The following CCDC81 variants were observed in gnomAD, a reference collection of about 807,000 sequenced individuals.
The protein encoded by CCDC81 is coiled-coil domain-containing protein 81.
Under a neutral mutation model 83.7 loss-of-function variants are expected in CCDC81, and 79 were observed. The observed-to-expected ratio is 0.94, with a 90% CI of 0.79 to 1.14. The LOEUF is 1.14. CCDC81 is among the 50% of genes most tolerant of loss of function. The pLI is 0.00. For synonymous variants in CCDC81, 252 were observed against 278.1 expected, an observed-to-expected ratio of 0.91 and a Z score of 0.93; for missense variants, 791 against 778.1, an observed-to-expected ratio of 1.02 and a Z score of -0.20.
At chr11:86,398,667 C>T (rs1948441693) in intron 6 of CCDC81, among the ~76,000 whole-genome samples, 1 of 152,072 alleles carries the variant, frequency 6.6e-6, no homozygotes, top group Non-Finnish European at 1.5e-5. Flanking sequence ...TCTCCTGCGT[C>T]CAAGCTATTC....
intron 1 of CCDC81, among the ~76,000 whole-genome samples, chr11:86,381,145 A>G (rs1948171892): frequency 6.6e-6 from 1 of 152,168 alleles, no homozygotes; most frequent in South Asian, 2.1e-4. Context: ...CTGGACTGTG[A>G]ACTTTACAAA....
chr11:86,395,434 G>C (rs758211040), intron 5 of CCDC81, 21 bp downstream of exon 5: 5 of 1,603,720 alleles, frequency 3.1e-6, no homozygotes, highest in Non-Finnish European at 3.4e-6. Flanking sequence ...TGCTTCACGG[G>C]TTCCTCTAGG....
chr11:86,377,395 C>T (rs1948111675), intron 1 of CCDC81, among the ~76,000 whole-genome samples: 1 of 152,182 alleles, frequency 6.6e-6, no homozygotes. Context: ...TCCAAAGGGG[C>T]TGTACTATGT....
intron 3 of CCDC81, among the ~76,000 whole-genome samples, chr11:86,391,975 T>C (rs1948336586): frequency 6.6e-6 from 1 of 152,028 alleles, no homozygotes; most frequent in Non-Finnish European, 1.5e-5. Flanking sequence ...CTACACACTT[T>C]TAAACAACCA....
At chr11:86,418,773 G>GCGAA (rs1422163179) in intron 13 of CCDC81, among the ~76,000 whole-genome samples, 1 of 152,126 alleles carries the variant, frequency 6.6e-6, no homozygotes, top group East Asian at 1.9e-4. Context: ...TAACGTGAAG[G>GCGAA]CGTTCTGGAG....
intron 11 of CCDC81, among the ~76,000 whole-genome samples, chr11:86,413,992 T>C (rs566387326): frequency 5.3e-5 from 8 of 152,356 alleles, no homozygotes; most frequent in African/African-American, 1.9e-4. Context: ...GAAAAAAATC[T>C]ATTTCTATAA....
intron 12 of CCDC81, 91 bp from the exon 13 acceptor site, chr11:86,415,002 A>G (rs1948696663): frequency 6.8e-7 from 1 of 1,470,844 alleles, no homozygotes; most frequent in Admixed American, 1.9e-5. Flanking sequence ...CCTTCCTGTA[A>G]GATGCTGGTA....
chr11:86,421,959 G>A (rs1382968846), intron 14 of CCDC81, among the ~76,000 whole-genome samples: 2 of 151,780 alleles, frequency 1.3e-5, no homozygotes, highest in African/African-American at 4.8e-5. Context: ...ATGGGGTAGA[G>A]GAGCACATGA....
intron 6 of CCDC81, 105 bp from the exon 7 acceptor site, chr11:86,400,573 A>T: frequency 2.6e-6 from 3 of 1,148,336 alleles, no homozygotes; most frequent in Non-Finnish European, 3.7e-6. Flanking sequence ...TTATTTAAAG[A>T]TAAGAGAGTG....
At position 86,409,377 on chromosome 11, in the gene CCDC81, A is replaced by T. The variant is rs1948607276; in HGVS notation, c.1218+12A>T. ...AACCGGAATTTTATGTAAGTCTTTTAAAAATTTCTGTTGCTAACACCTGGC... is the reference window on the plus strand; with the variant it reads ...AACCGGAATTTTATGTAAGTCTTTTTAAAATTTCTGTTGCTAACACCTGGC... On this transcript the variant is annotated intron_variant, in intron 10 of 14. Coordinates refer to ENST00000445632, the MANE Select transcript of CCDC81 (RefSeq NM_001156474.2). 7.0e-7 allele frequency: 1 copy of T among 1,423,442 alleles called. No homozygotes were observed. Among genetic ancestry groups the T allele is most frequent in the South Asian group, 1.3e-5 (1 of 75,898 alleles). The allele number at this position is 1,423,442 out of a possible 1,614,324, so 88.2% of individuals were successfully genotyped here.
intron 5 of CCDC81, among the ~76,000 whole-genome samples, chr11:86,395,897 ACAGGCGTGAGCCAC>A (rs1281193323): frequency 2.6e-5 from 4 of 152,206 alleles, no homozygotes; most frequent in South Asian, 2.1e-4. Flanking sequence ...TGCTGAAATT[ACAGGCGTGAGCCAC>A]CAGGCCTGGC....
chr11:86,417,964 G>GA (rs761551213), intron 13 of CCDC81, among the ~76,000 whole-genome samples: 1 of 152,210 alleles, frequency 6.6e-6, no homozygotes, highest in Non-Finnish European at 1.5e-5. Flanking sequence ...ACATTTCTAA[G>GA]AAGGCATAGC....
rs755199040 is a variant in CCDC81, at chr11:86,412,480, AACAG to A, written c.1317_1320del (p.Gln440LysfsTer4). 8.1e-6 allele frequency: 13 copies of A among 1,614,004 alleles called. No individual in the cohort carries two copies. In the African/African-American group the frequency reaches 1.3e-4, roughly 17 times the overall value. On this transcript the variant is annotated frameshift_variant, in exon 11 of 15. Coordinates refer to ENST00000445632, the MANE Select transcript of CCDC81 (RefSeq NM_001156474.2). LOFTEE classifies it high-confidence loss of function. ...CCGGAGTCTCCTGAAACAAATGGAT[AACAG>A]ACAGGAAAACGAAATAAAGCAAAGA...
At chr11:86,414,576 G>C in intron 11 of CCDC81, 1 of 508,896 alleles carries the variant, frequency 2.0e-6, no homozygotes, top group Non-Finnish European at 3.4e-6. Flanking sequence ...CAAAGTGCTG[G>C]GATTACACAC....
intron 7 of CCDC81, among the ~76,000 whole-genome samples, chr11:86,405,785 C>CTTTTTTTTT (rs146946869): frequency 7.8e-6 from 1 of 128,630 alleles, no homozygotes; most frequent in African/African-American, 2.9e-5. Flanking sequence ...CTTCTTTTTT[C>CTTTTTTTTT]TTTTTTTTTT....
chr11:86,395,226 C>A, intron 4 of CCDC81, 108 bp from the exon 5 acceptor site: 2 of 777,670 alleles, frequency 2.6e-6, no homozygotes, highest in East Asian at 2.6e-5. Context: ...ACATAAACAA[C>A]AACAAGAAAA....
At chr11:86,379,485 T>C (rs1312415733) in intron 1 of CCDC81, among the ~76,000 whole-genome samples, 2 of 152,198 alleles carry the variant, frequency 1.3e-5, no homozygotes, top group Admixed American at 6.5e-5. Flanking sequence ...AATAACACTG[T>C]ACCACTTCAC....
Position 86,394,169 on chromosome 11 carries a change from A to G in CCDC81, c.556-1165A>G, listed in dbSNP as rs1424179578. ...TAAGCAAGGCCAAAGTGGCTAGCTC[A>G]TCTCTAACCCTCAGGGATTCTGCTG... On this transcript the variant is annotated intron_variant, in intron 4 of 14. Coordinates refer to ENST00000445632, the MANE Select transcript of CCDC81 (RefSeq NM_001156474.2). 5.3e-5 allele frequency among the ~76,000 whole-genome samples: 8 copies of G among 152,248 alleles called. 1 individual carries two copies. Among genetic ancestry groups the G allele is most frequent in the Admixed American group, 4.6e-4 (7 of 15,284 alleles).
intron 2 of CCDC81, 90 bp downstream of exon 2, chr11:86,386,202 A>G: frequency 2.5e-6 from 1 of 399,994 alleles, no homozygotes; most frequent in Non-Finnish European, 4.0e-6. Flanking sequence ...ATAGTCTTAT[A>G]TAATGTTGCT....
Sources: gnomAD v4.1 joint callset for allele counts (sites outside exome capture counted in the v4.1 genomes callset) on GRCh38, gnomAD v4.1.1 for gene constraint, MANE v1.5 for transcripts, NCBI Gene and HGNC (gene_info 2026-07-23, HGNC 2026-07-21) for gene names.